The following EDNRB variants were observed in gnomAD, a reference collection of about 807,000 sequenced individuals.
The protein encoded by EDNRB is endothelin receptor type B, also known as Hirschsprung disease 2.
A neutral mutation model predicts 46.4 loss-of-function variants in EDNRB; 18 were observed. That is an observed-to-expected ratio of 0.39 (90% CI 0.27 to 0.57). The LOEUF is 0.57. Ranked by LOEUF, EDNRB falls within the 20% of genes least tolerant of loss-of-function variation. The pLI is 0.61. For missense variants in EDNRB, 434 were observed against 537.5 expected (o/e 0.81, Z 1.90); for synonymous variants, 213 against 204.9 (o/e 1.04, Z -0.34).
intron 1 of EDNRB, among the ~76,000 whole-genome samples, chr13:77,933,342 G>T (rs556755495): frequency 1.3e-4 from 20 of 152,280 alleles, no homozygotes; most frequent in African/African-American, 4.8e-4. Context: ...AGACAGGGGT[G>T]GGGCCGTTTT....
At chr13:77,919,456 G>A (rs1879997525), upstream of EDNRB, 1 of 1,612,476 alleles carries the variant, frequency 6.2e-7, no homozygotes, top group African/African-American at 1.3e-5. Flanking sequence ...CCCGGGAGGC[G>A]GAACCCAGCT....
intron 1 of EDNRB, among the ~76,000 whole-genome samples, chr13:77,971,913 C>A (rs1373554361): frequency 6.6e-6 from 1 of 152,112 alleles, no homozygotes; most frequent in Non-Finnish European, 1.5e-5. Context: ...CGGCAGAGTG[C>A]CCAGTAAAGA....
At chr13:77,953,603 GA>G (rs1313240041) in intron 1 of EDNRB, among the ~76,000 whole-genome samples, 1 of 152,076 alleles carries the variant, frequency 6.6e-6, no homozygotes, top group Non-Finnish European at 1.5e-5. Context: ...CTAAACGATG[GA>G]AAACCTTAAA....
chr13:77,971,201 G>A (rs893834891), intron 1 of EDNRB, among the ~76,000 whole-genome samples: 4 of 152,210 alleles, frequency 2.6e-5, no homozygotes, highest in African/African-American at 9.7e-5. Flanking sequence ...GGGGTTTAGG[G>A]TGTTGTAAAC....
At chr13:77,899,719 A>T in intron 6 of EDNRB, 140 bp downstream of exon 6, 1 of 689,616 alleles carries the variant, frequency 1.5e-6, no homozygotes, top group African/African-American at 1.8e-5. Context: ...AGTTGTATTT[A>T]AAAAAATCAT....
intron 1 of EDNRB, among the ~76,000 whole-genome samples, chr13:77,945,756 A>G (rs1362421698): frequency 6.6e-6 from 1 of 152,104 alleles, no homozygotes; most frequent in Non-Finnish European, 1.5e-5. Context: ...TATTAAGCCC[A>G]GCTAAATTCC....
chr13:77,951,687 A>T (rs1237384914), intron 1 of EDNRB, among the ~76,000 whole-genome samples: 1 of 152,140 alleles, frequency 6.6e-6, no homozygotes, highest in Non-Finnish European at 1.5e-5. Flanking sequence ...CTTTACTGAG[A>T]GGGGCTTCTA....
At chr13:77,900,703 A>G (rs1299180556) in intron 4 of EDNRB, 49 bp from the exon 5 acceptor site, 1 of 1,610,122 alleles carries the variant, frequency 6.2e-7, no homozygotes, top group African/African-American at 1.3e-5. Flanking sequence ...CATTTTACTC[A>G]TAGCATTCTA....
chr13:77,958,216 G>A (rs1462085006), intron 1 of EDNRB, among the ~76,000 whole-genome samples: 1 of 152,154 alleles, frequency 6.6e-6, no homozygotes, highest in Non-Finnish European at 1.5e-5. Flanking sequence ...CAGGCATGTA[G>A]ATCATTAAAA....
intron 1 of EDNRB, among the ~76,000 whole-genome samples, chr13:77,973,324 T>C (rs1212490475): frequency 6.6e-6 from 1 of 152,218 alleles, no homozygotes; most frequent in East Asian, 1.9e-4. Flanking sequence ...ATGTTAAACC[T>C]AATTTTAATA....
At chr13:77,928,857 T>C (rs1053813622) in intron 1 of EDNRB, among the ~76,000 whole-genome samples, 3 of 152,202 alleles carry the variant, frequency 2.0e-5, no homozygotes, top group Admixed American at 1.3e-4. Flanking sequence ...TCCCAAAATA[T>C]GTCAAATGCT....
In EDNRB at chr13:77,918,292, G is replaced by T. The variant is rs748380116; in HGVS notation, c.282C>A (p.Ile94=). Residue 94 remains isoleucine, a synonymous_variant, in exon 1 of 7, where the codon ATC becomes ATA. Transcript: ENST00000646607. This position sits in a 1 kb window ranked among gnomAD's most constrained non-coding sequence, Gnocchi z 4.5. ...TGTATTTGAAAGTCTCCTTGATCTC[G>T]ATGGGTCCTTGGCACGGGGGAGGGG... ...TISPPPCQGP[I]EIKETFKYIN... 1.9e-6 allele frequency: 3 copies of T among 1,614,120 alleles called. No individual in the cohort carries two copies. The highest frequency in any genetic ancestry group is 2.5e-6 in the Non-Finnish European group (3 of 1,180,026).
intron 1 of EDNRB, among the ~76,000 whole-genome samples, chr13:77,966,839 A>G (rs578034300): frequency 1.3e-5 from 2 of 152,318 alleles, no homozygotes; most frequent in African/African-American, 4.8e-5. Context: ...ATTAGCAGTC[A>G]GCTACAAATG....
chr13:77,945,768 A>G (rs1184428963), intron 1 of EDNRB, among the ~76,000 whole-genome samples: 1 of 152,046 alleles, frequency 6.6e-6, no homozygotes, highest in Admixed American at 6.6e-5. Context: ...CTAAATTCCT[A>G]AACAGATTAA....
At chr13:77,943,730 T>C (rs1447844170) in intron 1 of EDNRB, among the ~76,000 whole-genome samples, 1 of 152,076 alleles carries the variant, frequency 6.6e-6, no homozygotes, top group East Asian at 1.9e-4. Flanking sequence ...TCTTAGTTTC[T>C]CTTCTATTGG....
At position 77,918,765 on chromosome 13, in the gene EDNRB, CT is replaced by C. The variant is rs1424406380; in HGVS notation, c.-193del. ...CTCAAGTTTGCGCGCCAGTGGGAAA[CT>C]TGGCGCTCATGACTCGCCAGCGCGG... On this transcript the variant is annotated 5_prime_UTR_variant, in exon 1 of 7. An upstream open reading frame in the 5' UTR loses its in-frame stop. Coordinates refer to ENST00000646607, the MANE Select transcript of EDNRB (RefSeq NM_001122659.3). This position sits in a 1 kb window ranked among gnomAD's most constrained non-coding sequence, Gnocchi z 4.5. 1 of 1,337,944 alleles carries C rather than the reference CT, an allele frequency of 7.5e-7. No homozygotes were observed. The highest frequency in any genetic ancestry group is 9.5e-7 in the Non-Finnish European group (1 of 1,050,522). 82.9% of individuals were successfully genotyped at this position (1,337,944 alleles called of 1,614,324 possible).
At chr13:77,949,771 G>A (rs941239063) in intron 1 of EDNRB, among the ~76,000 whole-genome samples, 1 of 152,152 alleles carries the variant, frequency 6.6e-6, no homozygotes, top group African/African-American at 2.4e-5. Context: ...CACAGGATCT[G>A]TGAGTAATCC....
intron 1 of EDNRB, among the ~76,000 whole-genome samples, chr13:77,946,310 G>A (rs1402228986): frequency 1.3e-5 from 2 of 152,148 alleles, no homozygotes; most frequent in South Asian, 2.1e-4. Context: ...TAGAGGATGA[G>A]AGGGAAGGGG....
chr13:77,972,503 A>C (rs1881763617), intron 1 of EDNRB, among the ~76,000 whole-genome samples: 2 of 152,206 alleles, frequency 1.3e-5, no homozygotes, highest in African/African-American at 2.4e-5. Context: ...TGGACCAACT[A>C]TGGCATAAAA....
Sources: allele counts gnomAD v4.1 joint callset (sites outside exome capture counted in the v4.1 genomes callset), GRCh38; gene constraint gnomAD v4.1.1; non-coding constraint Gnocchi (gnomAD v3.1); transcripts MANE v1.5; gene names NCBI Gene and HGNC (gene_info 2026-07-23, HGNC 2026-07-21).